WWOX: variants seen among roughly 807,000 people sequenced by gnomAD.
WWOX encodes the protein WW domain containing oxidoreductase.
Under a neutral mutation model 46.2 loss-of-function variants are expected in WWOX, and 69 were observed. The observed-to-expected ratio is 1.49, with a 90% confidence interval of 1.23 to 1.82. The LOEUF (loss-of-function observed/expected upper bound fraction) is 1.82. Ranked by LOEUF, WWOX falls within the 40% of genes most tolerant of loss-of-function variation. The pLI is 0.00. For missense variants in WWOX, 919 were observed against 542.6 expected, an observed-to-expected ratio of 1.69 and a Z score of -6.89; for synonymous variants, 359 against 202.6, an observed-to-expected ratio of 1.77 and a Z score of -6.56.
chr16:78,628,598 C>T (rs2046360718), intron 8 of WWOX, among the ~76,000 whole-genome samples: 1 of 152,062 alleles, frequency 6.6e-6, no homozygotes, highest in African/African-American at 2.4e-5. Context: ...ACTGAGATGC[C>T]TGTTGATGGA....
In WWOX at chr16:78,226,705, T is replaced by C. The variant is rs116520243; in HGVS notation, c.516+62416T>C. ...CACCTGGCCTCATTTATTGTCACACTGGATAGGTAATAGACGCCGGCATGG... is the reference window on the plus strand; with the variant it reads ...CACCTGGCCTCATTTATTGTCACACCGGATAGGTAATAGACGCCGGCATGG... On this transcript the variant is annotated intron_variant, in intron 5 of 8. Transcript: ENST00000566780. 4.6e-3 allele frequency among the ~76,000 whole-genome samples: 695 copies of C among 152,240 alleles called. 4 individuals are homozygous for C. The highest frequency in any genetic ancestry group is 0.016 in the African/African-American group (666 of 41,526).
intron 5 of WWOX, among the ~76,000 whole-genome samples, chr16:78,296,035 G>C (rs900070460): frequency 6.6e-6 from 1 of 152,198 alleles, no homozygotes; most frequent in African/African-American, 2.4e-5. Flanking sequence ...TATTTTCTGA[G>C]TATGAAAAGC....
chr16:79,122,323 G>A (rs941415962), intron 8 of WWOX, among the ~76,000 whole-genome samples: 1 of 152,098 alleles, frequency 6.6e-6, no homozygotes, highest in African/African-American at 2.4e-5. Flanking sequence ...TTGTTCAGGC[G>A]GCATTAACCC....
At chr16:78,415,945 C>G (rs965763856) in intron 6 of WWOX, among the ~76,000 whole-genome samples, 2 of 152,160 alleles carry the variant, frequency 1.3e-5, no homozygotes, top group African/African-American at 4.8e-5. Context: ...ACAGAGAATG[C>G]CATGGGGCCA....
At chr16:78,961,051 T>G (rs1363681100) in intron 8 of WWOX, among the ~76,000 whole-genome samples, 1 of 152,168 alleles carries the variant, frequency 6.6e-6, no homozygotes, top group Non-Finnish European at 1.5e-5. Flanking sequence ...CATCTGGGCA[T>G]GATGACCCTC....
At chr16:78,886,280 T>C (rs1597106455) in intron 8 of WWOX, among the ~76,000 whole-genome samples, 1 of 151,488 alleles carries the variant, frequency 6.6e-6, no homozygotes, top group African/African-American at 2.4e-5. Context: ...TGGTATTTTT[T>C]CTTTAAAAAA....
At chr16:79,135,229 T>C (rs1004960701) in intron 8 of WWOX, among the ~76,000 whole-genome samples, 2 of 152,238 alleles carry the variant, frequency 1.3e-5, no homozygotes, top group Non-Finnish European at 1.5e-5. Flanking sequence ...CACGTAAATA[T>C]GCATACTCAT....
intron 8 of WWOX, among the ~76,000 whole-genome samples, chr16:79,124,487 G>T (rs148504066): frequency 6.6e-6 from 1 of 152,306 alleles, no homozygotes; most frequent in East Asian, 1.9e-4. Context: ...TGGCACAAAG[G>T]CGGCTCTGTC....
chr16:78,563,044 A>C (rs988677293), intron 8 of WWOX, among the ~76,000 whole-genome samples: 1 of 151,432 alleles, frequency 6.6e-6, no homozygotes. Flanking sequence ...GATGCTCTGC[A>C]CTTCAAGCTA....
At chr16:78,987,867 G>C (rs757879377) in intron 8 of WWOX, among the ~76,000 whole-genome samples, 35 of 152,136 alleles carry the variant, frequency 2.3e-4, no homozygotes, top group Non-Finnish European at 5.0e-4. Context: ...AGCCCTGTGG[G>C]CTTTGCTGCT....
intron 5 of WWOX, among the ~76,000 whole-genome samples, chr16:78,266,788 T>TTCTCTGTCTC (rs2079370882): frequency 8.7e-6 from 1 of 115,532 alleles, no homozygotes; most frequent in Non-Finnish European, 1.8e-5. Context: ...TATTCTTCTA[T>TTCTCTGTCTC]TCTCTCTCTC....
At chr16:78,409,333 C>T (rs2082620618) in intron 6 of WWOX, among the ~76,000 whole-genome samples, 1 of 152,150 alleles carries the variant, frequency 6.6e-6, no homozygotes, top group Admixed American at 6.5e-5. Flanking sequence ...ACAGTGCCAT[C>T]ACCCCCCAAA....
intron 8 of WWOX, among the ~76,000 whole-genome samples, chr16:79,014,650 A>G (rs1466101415): frequency 6.6e-6 from 1 of 152,166 alleles, no homozygotes; most frequent in East Asian, 1.9e-4. Flanking sequence ...TTTATTAATC[A>G]TGTGTCACTG....
rs556073395 is a variant in WWOX at position 78,382,355 on chromosome 16, G to A, written c.517-4505G>A. ...CTCACCACATTGCCTTCCACATGCCGTAGAGGCTGGCAGTGTTACAGACAA... is the reference window on the plus strand; with the variant it reads ...CTCACCACATTGCCTTCCACATGCCATAGAGGCTGGCAGTGTTACAGACAA... On this transcript the variant is annotated intron_variant, in intron 5 of 8. Transcript: ENST00000566780. Among the ~76,000 whole-genome samples, 28 of 152,302 alleles carry A rather than the reference G, an allele frequency of 1.8e-4. No individual in the cohort carries two copies. The East Asian group carries it at 3.9e-3, about 21-fold the overall frequency.
chr16:79,081,771 G>C (rs983355937), intron 8 of WWOX, among the ~76,000 whole-genome samples: 3 of 152,124 alleles, frequency 2.0e-5, no homozygotes, highest in Non-Finnish European at 4.4e-5. Context: ...TCTCACGCTG[G>C]ATGCTCCTGC....
At chr16:78,724,922 G>C (rs190693367) in intron 8 of WWOX, among the ~76,000 whole-genome samples, 2 of 152,164 alleles carry the variant, frequency 1.3e-5, no homozygotes, top group African/African-American at 4.8e-5. Flanking sequence ...ACCTAGTAGT[G>C]ATTCCAGGTA....
At chr16:78,172,553 T>C (rs1248564488) in intron 5 of WWOX, among the ~76,000 whole-genome samples, 2 of 152,212 alleles carry the variant, frequency 1.3e-5, no homozygotes, top group Admixed American at 6.5e-5. Context: ...TCTTGAATGT[T>C]ATTCATTGTT....
intron 8 of WWOX, among the ~76,000 whole-genome samples, chr16:78,603,211 A>G (rs995401342): frequency 6.6e-5 from 10 of 152,158 alleles, no homozygotes; most frequent in African/African-American, 1.9e-4. Context: ...AGAAGTGCCA[A>G]TATCATTTTC....
intron 8 of WWOX, among the ~76,000 whole-genome samples, chr16:78,706,999 G>A (rs530380059): frequency 1.3e-5 from 2 of 152,272 alleles, no homozygotes; most frequent in East Asian, 1.9e-4. Context: ...CAGTTGCCTA[G>A]TAGGCCTAAG....
Sources: gnomAD v4.1 joint callset for allele counts (sites outside exome capture counted in the v4.1 genomes callset) on GRCh38, gnomAD v4.1.1 for gene constraint, MANE v1.5 for transcripts, NCBI Gene and HGNC (gene_info 2026-07-23, HGNC 2026-07-21) for gene names.